Variants in FGFR2 observed in about 807,000 individuals in gnomAD.
The protein encoded by FGFR2 is fibroblast growth factor receptor 2.
FGFR2 carries 19 observed loss-of-function variants against 95.9 expected under a neutral mutation model. The ratio of observed to expected loss-of-function variants is 0.20; its 90% confidence interval spans 0.14 to 0.29. FGFR2 has a LOEUF of 0.29. Among genes scored for constraint, FGFR2 ranks in the 10% least tolerant of loss-of-function variants. FGFR2 has a pLI of 1.00. For synonymous variants in FGFR2, 392 were observed against 393.3 expected (o/e 1.00, Z 0.04); for missense variants, 707 against 1,056.9 (o/e 0.67, Z 4.59).
chr10:121,581,664 A>G (rs1860908297), intron 2 of FGFR2, among the ~76,000 whole-genome samples: 1 of 151,098 alleles, frequency 6.6e-6, no homozygotes. Flanking sequence ...AGGTGGGAAG[A>G]CCGCTTGAGC....
chr10:121,582,418 C>A (rs755229160), intron 2 of FGFR2, among the ~76,000 whole-genome samples: 2 of 152,116 alleles, frequency 1.3e-5, no homozygotes, highest in Non-Finnish European at 2.9e-5. Context: ...ATGTTTATAC[C>A]ATCTTGCCTC....
At chr10:121,483,303 A>G (rs1822595563) in intron 17 of FGFR2, among the ~76,000 whole-genome samples, 1 of 152,186 alleles carries the variant, frequency 6.6e-6, no homozygotes, top group African/African-American at 2.4e-5. Context: ...AATGATGACG[A>G]ACATTATCAG....
In FGFR2 at chr10:121,501,591, C is replaced by T. The variant is rs41295615; in HGVS notation, c.1440-644G>A. On this transcript the variant is annotated intron_variant, in intron 10 of 17. Coordinates refer to ENST00000358487, the MANE Select transcript of FGFR2 (RefSeq NM_000141.5). ...CTAAGATTACAAGGTCTATGCACAT[C>T]GGACGAATAGCCATATATTGTCCTT... Among the ~76,000 whole-genome samples, 1,198 of 152,264 alleles carry T rather than the reference C, an allele frequency of 7.9e-3. 13 individuals are homozygous for T. Among genetic ancestry groups the T allele is most frequent in the African/African-American group, 0.027 (1,130 of 41,552 alleles).
At position 121,538,793 on chromosome 10, in the gene FGFR2, A is replaced by C. The variant is rs1024600419; in HGVS notation, c.625-78T>G. 6 of 1,594,632 alleles carry C rather than the reference A, an allele frequency of 3.8e-6. No individual in the cohort carries two copies. The African/African-American group carries it at 6.7e-5, about 18-fold the overall frequency. On this transcript the variant is annotated intron_variant, in intron 5 of 17. Transcript: ENST00000358487. Reference sequence around the variant, plus strand: ...AAGTACTGTGCTTTCTTGATTTAAAAAGAAGCTGAAGGAGGCAAGAAAGGT... The same window carrying C: ...AAGTACTGTGCTTTCTTGATTTAAACAGAAGCTGAAGGAGGCAAGAAAGGT...
chr10:121,560,045 A>G (rs985084088), intron 4 of FGFR2, among the ~76,000 whole-genome samples: 2 of 152,154 alleles, frequency 1.3e-5, no homozygotes, highest in African/African-American at 2.4e-5. Context: ...ACCCACATAC[A>G]GTAAAACTGG....
intron 10 of FGFR2, among the ~76,000 whole-genome samples, chr10:121,502,930 C>G (rs935406904): frequency 1.3e-5 from 2 of 152,134 alleles, no homozygotes; most frequent in African/African-American, 4.8e-5. Flanking sequence ...GACTCCATGC[C>G]CCACACGATG....
intron 6 of FGFR2, chr10:121,538,292 T>A: frequency 1.3e-6 from 1 of 768,222 alleles, no homozygotes; most frequent in East Asian, 2.4e-5. Flanking sequence ...ACCTGCCCAA[T>A]TAACATTTTC....
chr10:121,553,168 T>A (rs1426223330), intron 4 of FGFR2, among the ~76,000 whole-genome samples: 1 of 152,198 alleles, frequency 6.6e-6, no homozygotes, highest in African/African-American at 2.4e-5. Flanking sequence ...CTTATCTAAG[T>A]GTCAAAGTGA....
At chr10:121,537,282 T>A (rs1852985458) in intron 6 of FGFR2, among the ~76,000 whole-genome samples, 1 of 152,230 alleles carries the variant, frequency 6.6e-6, no homozygotes. Flanking sequence ...TTTCCCTGAA[T>A]GCTTATATGC....
intron 6 of FGFR2, among the ~76,000 whole-genome samples, chr10:121,537,255 C>G (rs1852978067): frequency 1.3e-5 from 2 of 152,280 alleles, no homozygotes; most frequent in South Asian, 4.1e-4. Flanking sequence ...AAACTCAAAT[C>G]TTCGAATAAA....
intron 6 of FGFR2, among the ~76,000 whole-genome samples, chr10:121,529,080 T>C (rs1191704212): frequency 6.6e-6 from 1 of 151,830 alleles, no homozygotes; most frequent in East Asian, 1.9e-4. Context: ...GTGTGCACCA[T>C]GACGCCTGGC....
intron 5 of FGFR2, among the ~76,000 whole-genome samples, chr10:121,544,117 GAAGCAACCC>G (rs1854159153): frequency 6.6e-6 from 1 of 152,152 alleles, no homozygotes; most frequent in Admixed American, 6.5e-5. Context: ...CCAAAAGGTA[GAAGCAACCC>G]AAGTGATCAT....
chr10:121,565,893 A>G (rs1857606044), intron 2 of FGFR2, 189 bp from the exon 3 acceptor site: 1 of 654,474 alleles, frequency 1.5e-6, no homozygotes, highest in Non-Finnish European at 2.7e-6. Context: ...GAGCAACCAG[A>G]GGATACCCCC....
intron 2 of FGFR2, among the ~76,000 whole-genome samples, chr10:121,570,147 C>A (rs1417064537): frequency 8.2e-6 from 1 of 122,270 alleles, no homozygotes; most frequent in Non-Finnish European, 2.0e-5. Flanking sequence ...GCCAAGAACA[C>A]AAGCACCTAA....
At chr10:121,579,547 T>C (rs763156624) in intron 2 of FGFR2, among the ~76,000 whole-genome samples, 1 of 152,208 alleles carries the variant, frequency 6.6e-6, no homozygotes, top group Non-Finnish European at 1.5e-5. Flanking sequence ...TCAACACCCA[T>C]GTATGATGCC....
At chr10:121,538,143 C>T in intron 6 of FGFR2, 2 of 586,222 alleles carry the variant, frequency 3.4e-6, no homozygotes, top group South Asian at 4.2e-5. Context: ...CAACATTCAC[C>T]TTTTTCCAGC....
chr10:121,528,713 G>T (rs920318694), intron 6 of FGFR2, among the ~76,000 whole-genome samples: 5 of 152,082 alleles, frequency 3.3e-5, no homozygotes, highest in African/African-American at 7.2e-5. Flanking sequence ...AATAATCACG[G>T]TTCTAGATAC....
chr10:121,526,321 A>C, intron 6 of FGFR2: 1 of 397,504 alleles, frequency 2.5e-6, no homozygotes, highest in East Asian at 3.6e-5. Context: ...ATAAAAACGC[A>C]CTAAACCAGT....
chr10:121,558,266 GA>G (rs1291422568), intron 4 of FGFR2, among the ~76,000 whole-genome samples: 1 of 152,198 alleles, frequency 6.6e-6, no homozygotes, highest in African/African-American at 2.4e-5. Flanking sequence ...TATGCGAAAG[GA>G]TAAATTCTCA....
Sources: gnomAD v4.1 joint callset for allele counts (sites outside exome capture counted in the v4.1 genomes callset) on GRCh38, gnomAD v4.1.1 for gene constraint, MANE v1.5 for transcripts, NCBI Gene and HGNC (gene_info 2026-07-23, HGNC 2026-07-21) for gene names.